The following WSCD1 variants were observed in gnomAD, a reference collection of about 807,000 sequenced individuals.
WSCD1 encodes the protein WSC domain sialate O sulfotransferase 1.
In WSCD1, 41 loss-of-function variants were observed where a neutral mutation model predicts 60.4. The ratio of observed to expected loss-of-function variants is 0.68; its 90% confidence interval spans 0.53 to 0.88. The LOEUF is 0.88. Ranked by LOEUF, WSCD1 falls within the 40% of genes least tolerant of loss-of-function variation. The pLI is 0.00. For synonymous variants in WSCD1, 361 were observed against 332.5 expected (o/e 1.09, Z -0.93); for missense variants, 784 against 796.2 (o/e 0.98, Z 0.18).
rs548530308 is a variant in WSCD1, at chr17:6,090,579, C to G, written c.727+74C>G. 4.1e-5 allele frequency: 63 copies of G among 1,547,464 alleles called. No individual in the cohort carries two copies. The South Asian group carries it at 5.4e-4, about 13-fold the overall frequency. On this transcript the variant is annotated intron_variant, in intron 4 of 8. Coordinates refer to ENST00000317744, the MANE Select transcript of WSCD1 (RefSeq NM_015253.2). Reference sequence around the variant, plus strand: ...TCTGGCTGCCCATCCCCCACAACCTCTCAATGAAACTACCTGGGGCAGAAC... The same window carrying G: ...TCTGGCTGCCCATCCCCCACAACCTGTCAATGAAACTACCTGGGGCAGAAC...
chr17:6,080,240 C>G lies in WSCD1; in HGVS notation c.-288-131C>G, dbSNP rs930104923. 4.9e-6 allele frequency: 1 copy of G among 202,064 alleles called. No individual in the cohort carries two copies. Among genetic ancestry groups the G allele is most frequent in the Non-Finnish European group, 9.8e-6 (1 of 101,580 alleles). The allele number at this position is 202,064 out of a possible 1,614,324, so 12.5% of individuals were successfully genotyped here. A position where few individuals can be genotyped will look rare whatever the true frequency, so the allele number is the denominator to read the frequency against. On this transcript the variant is annotated intron_variant, in intron 1 of 8. Transcript: ENST00000317744. This position sits in a 1 kb window ranked among gnomAD's most constrained non-coding sequence, Gnocchi z 6.6. The stretch of plus-strand genomic sequence containing the variant: ...TAACAAAGCTGGGATTTAAACCTGG[C>G]TTTGTCCAGTGCTCCTGCAACACAG...
At chr17:6,111,525 A>T (rs2150566783) in intron 7 of WSCD1, among the ~76,000 whole-genome samples, 1 of 152,124 alleles carries the variant, frequency 6.6e-6, no homozygotes, top group African/African-American at 2.4e-5. Context: ...ATATGGTGAA[A>T]CCTCATTTCT....
chr17:6,076,781 G>A (rs1047702926), intron 1 of WSCD1, among the ~76,000 whole-genome samples: 13 of 152,178 alleles, frequency 8.5e-5, no homozygotes, highest in African/African-American at 2.9e-4. Context: ...TTCTGCCCCC[G>A]ACCCCAGGTG....
intron 5 of WSCD1, among the ~76,000 whole-genome samples, chr17:6,102,956 G>C (rs758926577): frequency 6.6e-6 from 1 of 152,200 alleles, no homozygotes; most frequent in Non-Finnish European, 1.5e-5. Flanking sequence ...GCAAAGGATA[G>C]GTACATTTTA....
intron 7 of WSCD1, among the ~76,000 whole-genome samples, chr17:6,117,757 T>C (rs1188959310): frequency 3.9e-5 from 6 of 152,238 alleles, no homozygotes; most frequent in Non-Finnish European, 8.8e-5. Context: ...CTCTTGCAGA[T>C]GCCATCTTTC....
intron 1 of WSCD1, among the ~76,000 whole-genome samples, chr17:6,079,319 CT>C (rs961364773): frequency 6.6e-6 from 1 of 152,168 alleles, no homozygotes; most frequent in East Asian, 1.9e-4. Context: ...TTCTAGGGGC[CT>C]TTTTTTCTGG....
chr17:6,080,616 A>G lies in WSCD1; in HGVS notation c.-43A>G. On this transcript the variant is annotated 5_prime_UTR_variant, in exon 2 of 9. Transcript: ENST00000317744. This position sits in a 1 kb window ranked among gnomAD's most constrained non-coding sequence, Gnocchi z 6.6. ...GCCTCACTCCCACCTGGGCGCTAGG[A>G]GCCATCCCGGGGCTCCAGCCAGGAG... 6.2e-7 allele frequency: 1 copy of G among 1,602,982 alleles called. No homozygotes were observed.
rs1203003731 is a variant in WSCD1, at chr17:6,118,175, C to A, written c.1362C>A (p.Asn454Lys). The A allele has an allele frequency of 1.9e-6, 3 of 1,614,068 alleles. No homozygotes were observed. The highest frequency in any genetic ancestry group is 2.5e-6 in the Non-Finnish European group (3 of 1,180,018). Residue 454 changes from asparagine (N) to lysine (K), a missense_variant, in exon 8 of 9, where the codon AAC becomes AAA. Transcript: ENST00000317744. The surrounding 1 kb of genome is among the most constrained non-coding windows in gnomAD (Gnocchi z 5.8). ...ACCTGGGATATGCAGCTGACCGCAACTGGAAGAGCAAAGGTAATCAAGGAC... is the reference window on the plus strand; with the variant it reads ...ACCTGGGATATGCAGCTGACCGCAAATGGAAGAGCAAAGGTAATCAAGGAC... ...AGHLGYAADRNWKSKEWPDFV... is the reference protein window; with the variant it reads ...AGHLGYAADRKWKSKEWPDFV...
chr17:6,074,382 C>T (rs936828761), intron 1 of WSCD1, among the ~76,000 whole-genome samples: 2 of 152,182 alleles, frequency 1.3e-5, no homozygotes, highest in Non-Finnish European at 2.9e-5. Flanking sequence ...TCAGTAATGG[C>T]AGCATGGCCC....
At position 6,110,250 on chromosome 17, in the gene WSCD1, A is replaced by G. The variant is rs1007557713; in HGVS notation, c.1009+484A>G. Among the ~76,000 whole-genome samples, 1 of 152,122 alleles carries G rather than the reference A, an allele frequency of 6.6e-6. No individual in the cohort carries two copies. The highest frequency in any genetic ancestry group is 2.4e-5 in the African/African-American group (1 of 41,418). On this transcript the variant is annotated intron_variant, in intron 6 of 8. Transcript: ENST00000317744. The surrounding 1 kb of genome is among the most constrained non-coding windows in gnomAD (Gnocchi z 4.8). The stretch of plus-strand genomic sequence containing the variant: ...ATGTTACCACCTTTATCAAGTGCCT[A>G]CTGTGACCCAGCATGGCCCTGGATG...
chr17:6,079,177 T>C (rs1290028315), intron 1 of WSCD1, among the ~76,000 whole-genome samples: 1 of 152,226 alleles, frequency 6.6e-6, no homozygotes, highest in Non-Finnish European at 1.5e-5. Context: ...GGGCCTGGAA[T>C]GCCAGCCCAA....
intron 4 of WSCD1, among the ~76,000 whole-genome samples, chr17:6,090,849 G>C (rs1270020918): frequency 6.6e-6 from 1 of 152,046 alleles, no homozygotes; most frequent in Non-Finnish European, 1.5e-5. Context: ...AAATTGCAGA[G>C]GGAGACCTAG....
intron 1 of WSCD1, among the ~76,000 whole-genome samples, chr17:6,074,416 C>A (rs1200616802): frequency 2.6e-5 from 4 of 152,176 alleles, no homozygotes; most frequent in African/African-American, 4.8e-5. Context: ...ATGTCCAGTC[C>A]AGCAGGCACT....
At chr17:6,107,129 G>A (rs1386335811) in intron 5 of WSCD1, among the ~76,000 whole-genome samples, 1 of 152,180 alleles carries the variant, frequency 6.6e-6, no homozygotes, top group Non-Finnish European at 1.5e-5. Context: ...GTCCTTGTGT[G>A]CTTGTCCCTT....
rs777988830 is a variant in WSCD1, at chr17:6,095,120, G to A, written c.746G>A (p.Arg249His). The change falls in exon 5 of 9, where the codon CGC becomes CAC. Residue 249 changes from arginine to histidine, a missense_variant. Arg to His is a conservative substitution (Grantham distance 29). Coordinates refer to ENST00000317744, the MANE Select transcript of WSCD1 (RefSeq NM_015253.2). ...GSRKRRTATY[R>H]GCFRLPENIT... ...CCCCCAGGGCGGACCGCCACCTACC[G>A]CGGATGCTTCCGACTGCCAGAGAAC... The A allele has an allele frequency of 2.9e-5, 47 of 1,612,642 alleles. No individual in the cohort carries two copies. The highest frequency in any genetic ancestry group is 3.6e-5 in the Non-Finnish European group (42 of 1,179,350).
At chr17:6,090,227 T>C in intron 3 of WSCD1, 94 bp from the exon 4 acceptor site, 2 of 1,292,504 alleles carry the variant, frequency 1.5e-6, no homozygotes, top group African/African-American at 1.5e-5. Flanking sequence ...AAAACATACT[T>C]TCTAATCTAC....
At chr17:6,100,175 T>G (rs1351928682) in intron 5 of WSCD1, among the ~76,000 whole-genome samples, 1 of 151,990 alleles carries the variant, frequency 6.6e-6, no homozygotes, top group Admixed American at 6.5e-5. Flanking sequence ...TGTGGGGGCA[T>G]GAAAGAAGGA....
Position 6,095,084 on chromosome 17 carries a change from C to T in WSCD1, c.728-18C>T, listed in dbSNP as rs761244471. On this transcript the variant is annotated intron_variant, in intron 4 of 8. Coordinates refer to ENST00000317744, the MANE Select transcript of WSCD1 (RefSeq NM_015253.2). Reference sequence around the variant, plus strand: ...CTGGACACCATCTCTTACCAGAAACCCCTCTCTTTTCCCCCAGGGCGGACC... The same window carrying T: ...CTGGACACCATCTCTTACCAGAAACTCCTCTCTTTTCCCCCAGGGCGGACC... 1.9e-6 allele frequency: 3 copies of T among 1,602,694 alleles called. No individual in the cohort carries two copies. The highest frequency in any genetic ancestry group is 2.6e-6 in the Non-Finnish European group (3 of 1,175,194).
intron 5 of WSCD1, among the ~76,000 whole-genome samples, chr17:6,100,295 A>G (rs964846459): frequency 1.3e-5 from 2 of 152,206 alleles, no homozygotes; most frequent in Non-Finnish European, 2.9e-5. Flanking sequence ...TCTGGGATAC[A>G]GCATTTCTCA....
Sources: allele counts gnomAD v4.1 joint callset (sites outside exome capture counted in the v4.1 genomes callset), GRCh38; gene constraint gnomAD v4.1.1; non-coding constraint Gnocchi (gnomAD v3.1); transcripts MANE v1.5; gene names NCBI Gene and HGNC (gene_info 2026-07-23, HGNC 2026-07-21).